Variants in SYT9 observed in about 807,000 individuals in gnomAD.
SYT9 encodes synaptotagmin-9.
In SYT9, 22 loss-of-function variants were observed where a neutral mutation model predicts 48.4. The ratio of observed to expected loss-of-function variants is 0.45; its 90% CI spans 0.32 to 0.65. The LOEUF is 0.65. Among genes scored for constraint, SYT9 ranks in the 30% least tolerant of loss-of-function variants. The pLI is 0.03. For synonymous variants in SYT9, 265 were observed against 245.0 expected (o/e 1.08, Z -0.76); for missense variants, 577 against 622.0 (o/e 0.93, Z 0.77).
At chr11:7,314,282 G>T (rs1211968146) in intron 3 of SYT9, 1 of 447,746 alleles carries the variant, frequency 2.2e-6, no homozygotes, top group African/African-American at 2.0e-5. Flanking sequence ...AATGGAACCT[G>T]GCATTCTATT....
At chr11:7,311,662 A>G (rs1849135828) in intron 2 of SYT9, among the ~76,000 whole-genome samples, 1 of 152,238 alleles carries the variant, frequency 6.6e-6, no homozygotes. Context: ...GCAGGACCCA[A>G]TTATGGACAT....
At chr11:7,382,021 G>T (rs1850574716) in intron 3 of SYT9, among the ~76,000 whole-genome samples, 1 of 152,070 alleles carries the variant, frequency 6.6e-6, no homozygotes. Flanking sequence ...GCCTTTTGTG[G>T]GCACTCACCT....
chr11:7,389,455 C>T (rs2134058002), intron 3 of SYT9, among the ~76,000 whole-genome samples: 1 of 152,224 alleles, frequency 6.6e-6, no homozygotes, highest in African/African-American at 2.4e-5. Flanking sequence ...ACATAAGATG[C>T]TACCCCCATT....
At chr11:7,377,809 A>G (rs973076341) in intron 3 of SYT9, among the ~76,000 whole-genome samples, 1 of 152,124 alleles carries the variant, frequency 6.6e-6, no homozygotes, top group African/African-American at 2.4e-5. Flanking sequence ...TGGGCTCCCC[A>G]CTTGGGAATG....
intron 3 of SYT9, among the ~76,000 whole-genome samples, chr11:7,386,665 T>A (rs1476630019): frequency 1.3e-5 from 2 of 152,120 alleles, no homozygotes; most frequent in Non-Finnish European, 2.9e-5. Flanking sequence ...CTGGAGAGGA[T>A]GTGGAGAAAT....
chr11:7,258,465 C>G (rs1848017709), intron 1 of SYT9, among the ~76,000 whole-genome samples: 1 of 152,042 alleles, frequency 6.6e-6, no homozygotes, highest in Non-Finnish European at 1.5e-5. Flanking sequence ...TCCTGAGGAC[C>G]AGGCTTTGCA....
At chr11:7,451,573 C>G (rs149309039) in intron 6 of SYT9, among the ~76,000 whole-genome samples, 7 of 152,328 alleles carry the variant, frequency 4.6e-5, no homozygotes, top group African/African-American at 1.7e-4. Flanking sequence ...ACATCCTCAG[C>G]TCCAGGAATG....
intron 3 of SYT9, among the ~76,000 whole-genome samples, chr11:7,396,903 C>T (rs1286463787): frequency 6.6e-6 from 1 of 152,084 alleles, no homozygotes; most frequent in Non-Finnish European, 1.5e-5. Flanking sequence ...TACATACAGT[C>T]TTTTATTGGC....
intron 6 of SYT9, among the ~76,000 whole-genome samples, chr11:7,463,453 G>C (rs1590047375): frequency 1.4e-5 from 2 of 148,120 alleles, no homozygotes; most frequent in South Asian, 4.6e-4. Flanking sequence ...TGATTTGGTT[G>C]AGATTTTCTA....
chr11:7,363,455 G>A (rs1424088424), intron 3 of SYT9, among the ~76,000 whole-genome samples: 1 of 152,172 alleles, frequency 6.6e-6, no homozygotes, highest in African/African-American at 2.4e-5. Context: ...TCAGTTTTGT[G>A]CATAGTGAAT....
intron 3 of SYT9, among the ~76,000 whole-genome samples, chr11:7,382,213 C>A (rs972970850): frequency 6.6e-6 from 1 of 152,214 alleles, no homozygotes; most frequent in Non-Finnish European, 1.5e-5. Flanking sequence ...TCTCACTTCT[C>A]CTTTTGCCTT....
At chr11:7,290,169 A>T (rs1848673412) in intron 1 of SYT9, among the ~76,000 whole-genome samples, 1 of 152,194 alleles carries the variant, frequency 6.6e-6, no homozygotes, top group African/African-American at 2.4e-5. Context: ...AATAGGGAAA[A>T]TTTTGAACCA....
At chr11:7,240,480 A>G (rs781303390) in intron 1 of SYT9, among the ~76,000 whole-genome samples, 4 of 152,214 alleles carry the variant, frequency 2.6e-5, no homozygotes, top group East Asian at 1.9e-4. Context: ...TATGCAAGAC[A>G]TTTTCCTCAT....
At chr11:7,286,302 G>T (rs543268657) in intron 1 of SYT9, among the ~76,000 whole-genome samples, 151 of 152,230 alleles carry the variant, frequency 9.9e-4, no homozygotes, top group Non-Finnish European at 1.7e-3. Flanking sequence ...GCTTGGGGCT[G>T]GCACCCTCTG....
intron 3 of SYT9, among the ~76,000 whole-genome samples, chr11:7,394,994 C>G (rs1264120534): frequency 6.6e-6 from 1 of 151,816 alleles, no homozygotes; most frequent in Non-Finnish European, 1.5e-5. Context: ...TTTGAGAGTT[C>G]TTCTGGGCAT....
intron 2 of SYT9, among the ~76,000 whole-genome samples, chr11:7,306,446 C>T (rs1849031958): frequency 6.6e-6 from 1 of 152,226 alleles, no homozygotes; most frequent in Non-Finnish European, 1.5e-5. Flanking sequence ...CCAACAGCCT[C>T]ACCTTATGGC....
At chr11:7,259,740 A>T (rs953236699) in intron 1 of SYT9, among the ~76,000 whole-genome samples, 1 of 151,956 alleles carries the variant, frequency 6.6e-6, no homozygotes, top group African/African-American at 2.4e-5. Flanking sequence ...TGAGAATCTT[A>T]ATGTTTTTTT....
At chr11:7,357,972 C>T (rs1381410909) in intron 3 of SYT9, among the ~76,000 whole-genome samples, 2 of 151,990 alleles carry the variant, frequency 1.3e-5, no homozygotes, top group Non-Finnish European at 2.9e-5. Flanking sequence ...ATAATATGTG[C>T]CAGAAATTAT....
intron 3 of SYT9, among the ~76,000 whole-genome samples, chr11:7,360,881 A>C (rs191307302): frequency 3.8e-3 from 576 of 152,264 alleles, no homozygotes; most frequent in Non-Finnish European, 6.5e-3. Flanking sequence ...TGATTGATCT[A>C]ATAGTTATAA....
Sources: gnomAD v4.1 joint callset for allele counts (sites outside exome capture counted in the v4.1 genomes callset) on GRCh38, gnomAD v4.1.1 for gene constraint, MANE v1.5 for transcripts, NCBI Gene and HGNC (gene_info 2026-07-23, HGNC 2026-07-21) for gene names.